Variants in OR52N4 observed in about 807,000 individuals in gnomAD.
The protein encoded by OR52N4 is olfactory receptor family 52 subfamily N member 4.
OR52N4 carries 15 observed loss-of-function variants against 15.0 expected under a neutral mutation model. That is an observed-to-expected ratio of 1.00 (90% CI 0.67 to 1.54). OR52N4 has a LOEUF of 1.54. Among genes scored for constraint, OR52N4 ranks in the 40% most tolerant of loss-of-function variants. The pLI is 0.00. For synonymous variants in OR52N4, 143 were observed against 143.7 expected (o/e 1.00, Z 0.03); for missense variants, 421 against 394.0 (o/e 1.07, Z -0.58).
chr11:5,726,589 C>G, the OR52N4 span: 1 of 152,238 alleles, frequency 6.6e-6, no homozygotes, highest in Non-Finnish European at 1.5e-5. Context: ...ATTTGTGGCT[C>G]TCACTCCCTG....
At chr11:5,749,720 G>C (rs2880579), upstream of OR52N4, among the ~76,000 whole-genome samples, 1 of 151,434 alleles carries the variant, frequency 6.6e-6, no homozygotes, top group Non-Finnish European at 1.5e-5. Flanking sequence ...ACCCTCATAT[G>C]AGAAGTTGGG....
At chr11:5,732,827 A>G in the OR52N4 span, among the ~76,000 whole-genome samples, 1 of 152,116 alleles carries the variant, frequency 6.6e-6, no homozygotes, top group Non-Finnish European at 1.5e-5. Flanking sequence ...AATCTCTTGG[A>G]TGCTTCAAAG....
the OR52N4 span, among the ~76,000 whole-genome samples, chr11:5,746,636 G>C: frequency 1.3e-5 from 2 of 152,114 alleles, no homozygotes; most frequent in African/African-American, 4.8e-5. Flanking sequence ...CAGAATATCT[G>C]TGATTAAAAT....
chr11:5,744,702 C>CAGA, the OR52N4 span, among the ~76,000 whole-genome samples: 1 of 151,672 alleles, frequency 6.6e-6, no homozygotes, highest in Non-Finnish European at 1.5e-5. Flanking sequence ...TACCTGAGGT[C>CAGA]AGGAGTTCGA....
the OR52N4 span, chr11:5,737,294 T>C: frequency 6.2e-7 from 1 of 1,614,018 alleles, no homozygotes; most frequent in Non-Finnish European, 8.5e-7. Context: ...CATCCTTTTC[T>C]TTTACACTAT....
chr11:5,753,230 C>A (rs1438187954), upstream of OR52N4, among the ~76,000 whole-genome samples: 1 of 152,098 alleles, frequency 6.6e-6, no homozygotes, highest in Non-Finnish European at 1.5e-5. Context: ...TACATGTCTA[C>A]CAGCAGTAAA....
chr11:5,750,334 C>A (rs1020851882), upstream of OR52N4, among the ~76,000 whole-genome samples: 14 of 151,880 alleles, frequency 9.2e-5, no homozygotes. Context: ...ATTGTTCTTT[C>A]CACACATAAT....
At chr11:5,729,310 C>A in the OR52N4 span, among the ~76,000 whole-genome samples, 2 of 151,458 alleles carry the variant, frequency 1.3e-5, no homozygotes, top group Non-Finnish European at 2.9e-5. Context: ...TTAGTAGAGA[C>A]GGGGTTTCAC....
Position 5,755,813 on chromosome 11 carries a change from G to A in OR52N4, c.*107G>A. ...GGAAGCACTGTATTGATCACAAAAT[G>A]GAGTTTGTTAACTGGTGCATTCTCA... On this transcript the variant is annotated 3_prime_UTR_variant, in exon 2 of 2. Coordinates refer to ENST00000641350, the MANE Select transcript of OR52N4 (RefSeq NM_001005175.5). 1 of 1,351,434 alleles carries A rather than the reference G, an allele frequency of 7.4e-7. No homozygotes were observed. Among genetic ancestry groups the A allele is most frequent in the Non-Finnish European group, 9.9e-7 (1 of 1,005,592 alleles). The allele number at this position is 1,351,434 out of a possible 1,614,324, so 83.7% of individuals were successfully genotyped here. A position where few individuals can be genotyped will look rare whatever the true frequency, so the allele number is the denominator to read the frequency against.
At chr11:5,738,712 CGA>C in the OR52N4 span, among the ~76,000 whole-genome samples, 13 of 151,854 alleles carry the variant, frequency 8.6e-5, no homozygotes, top group African/African-American at 3.1e-4. Context: ...GGCAGGAGGT[CGA>C]TATAGAAATT....
chr11:5,744,732 G>A, the OR52N4 span, among the ~76,000 whole-genome samples: 2 of 152,110 alleles, frequency 1.3e-5, no homozygotes, highest in African/African-American at 4.8e-5. Flanking sequence ...GGCCACCATG[G>A]CGAAACCCTG....
chr11:5,737,214 CTG>C, the OR52N4 span: 4 of 1,614,096 alleles, frequency 2.5e-6, no homozygotes, highest in South Asian at 4.4e-5. Context: ...ATTCTGTACT[CTG>C]TACTTAGACT....
At chr11:5,751,908 G>C (rs1854199957), upstream of OR52N4, among the ~76,000 whole-genome samples, 1 of 152,088 alleles carries the variant, frequency 6.6e-6, no homozygotes, top group African/African-American at 2.4e-5. Flanking sequence ...ATAATTTAAA[G>C]GATGGGTCGC....
chr11:5,745,313 A>G, the OR52N4 span, among the ~76,000 whole-genome samples: 40,266 of 152,068 alleles, frequency 0.26, 5,731 homozygotes, highest in East Asian at 0.41. Flanking sequence ...GACTCATCCA[A>G]AAGACTCCTA....
upstream of OR52N4, among the ~76,000 whole-genome samples, chr11:5,749,572 C>T (rs113542482): frequency 6.6e-6 from 1 of 152,044 alleles, no homozygotes; most frequent in Admixed American, 6.6e-5. Flanking sequence ...TTACCCATTA[C>T]TCTTGCTTCT....
upstream of OR52N4, among the ~76,000 whole-genome samples, chr11:5,750,085 CA>C (rs1854158658): frequency 6.6e-6 from 1 of 151,548 alleles, no homozygotes; most frequent in South Asian, 2.1e-4. Flanking sequence ...ATGCCGAAAA[CA>C]AGAAAATATA....
chr11:5,744,638 T>C, the OR52N4 span, among the ~76,000 whole-genome samples: 120,239 of 152,120 alleles, frequency 0.79, 48,137 homozygotes, highest in Non-Finnish European at 0.86. Context: ...AAAGGCTGGG[T>C]GTGGTGGCTC....
At chr11:5,748,360 A>C in the OR52N4 span, among the ~76,000 whole-genome samples, 119,917 of 151,296 alleles carry the variant, frequency 0.79, 48,092 homozygotes, top group Non-Finnish European at 0.86. Flanking sequence ...TTTTATTTTC[A>C]TAAAATGGAT....
the OR52N4 span, chr11:5,734,134 T>G: frequency 2.2e-6 from 1 of 454,962 alleles, no homozygotes; most frequent in Non-Finnish European, 4.4e-6. Flanking sequence ...CACATTTTTA[T>G]CTTGTGTTAA....
Sources: allele counts gnomAD v4.1 joint callset (sites outside exome capture counted in the v4.1 genomes callset), GRCh38; gene constraint gnomAD v4.1.1; transcripts MANE v1.5; gene names NCBI Gene and HGNC (gene_info 2026-07-23, HGNC 2026-07-21).